The following SPHK1 variants were observed in gnomAD, a reference collection of about 807,000 sequenced individuals.
The protein encoded by SPHK1 is sphingosine kinase 1, also known as SK 1.
Under a neutral mutation model 14.6 loss-of-function variants are expected in SPHK1, and 10 were observed. That is an observed-to-expected ratio of 0.68 (90% CI 0.42 to 1.16). SPHK1 has a LOEUF of 1.16. Among genes scored for constraint, SPHK1 ranks in the 50% most tolerant of loss-of-function variants. The pLI, the probability that SPHK1 is intolerant of heterozygous loss-of-function variation, is 0.00. For missense variants in SPHK1, 553 were observed against 525.4 expected (o/e 1.05, Z -0.51); for synonymous variants, 274 against 224.0 (o/e 1.22, Z -1.99).
chr17:76,387,251 G>A lies in SPHK1; in HGVS notation c.820G>A (p.Ala274Thr). Reference protein sequence around the residue: ...LHSHLGSEMFAAPMGRCAAGV... With the variant: ...LHSHLGSEMFTAPMGRCAAGV... ...CTCGCACCTGGGCAGTGAGATGTTT[G>A]CTGCACCCATGGGCCGCTGTGCAGC... The change falls in exon 6 of 6, where the codon GCT (alanine) becomes ACT (threonine). Residue 274 changes from alanine (A) to threonine (T), a missense_variant. By Grantham distance (58) the Ala-to-Thr change is moderately conservative. Coordinates refer to ENST00000592299, the MANE Select transcript of SPHK1 (RefSeq NM_001142601.2). The surrounding 1 kb of genome is among the most constrained non-coding windows in gnomAD (Gnocchi z 4.1). 1.2e-6 allele frequency: 2 copies of A among 1,613,330 alleles called. No homozygotes were observed. Among genetic ancestry groups the A allele is most frequent in the Non-Finnish European group, 1.7e-6 (2 of 1,179,928 alleles).
Position 76,385,837 on chromosome 17 carries a change from C to G in SPHK1, c.11-148C>G. 6.8e-7 allele frequency: 1 copy of G among 1,466,560 alleles called. No homozygotes were observed. Among genetic ancestry groups the G allele is most frequent in the Non-Finnish European group, 9.2e-7 (1 of 1,090,648 alleles). The allele number at this position is 1,466,560 out of a possible 1,614,324, so 90.8% of individuals were successfully genotyped here. ...GTGGCAGGGGCGCCGCGTCCCCACCCCAGGTCTCCCAGCAAAGGCCGCTCC... is the reference window on the plus strand; with the variant it reads ...GTGGCAGGGGCGCCGCGTCCCCACCGCAGGTCTCCCAGCAAAGGCCGCTCC... On this transcript the variant is annotated intron_variant, in intron 2 of 5. Coordinates refer to ENST00000592299, the MANE Select transcript of SPHK1 (RefSeq NM_001142601.2). The surrounding 1 kb of genome is among the most constrained non-coding windows in gnomAD (Gnocchi z 5.3).
rs1295116720 is a variant in SPHK1 at position 76,386,310 on chromosome 17, C to G, written c.253C>G (p.His85Asp). Residue 85 changes from histidine (H) to aspartate (D), a missense_variant, in exon 4 of 6, where the codon CAC becomes GAC. Coordinates refer to ENST00000592299, the MANE Select transcript of SPHK1 (RefSeq NM_001142601.2). This position sits in a 1 kb window ranked among gnomAD's most constrained non-coding sequence, Gnocchi z 5.3. Reference sequence around the variant, plus strand: ...GGTCATGTCTGGAGACGGGCTGATGCACGAGGTGAGGACCGCACTGCGCGG... The same window carrying G: ...GGTCATGTCTGGAGACGGGCTGATGGACGAGGTGAGGACCGCACTGCGCGG... ...LVVMSGDGLM[H>D]EVVNGLMERP... 9.3e-6 allele frequency: 15 copies of G among 1,605,072 alleles called. No individual in the cohort carries two copies. The highest frequency in any genetic ancestry group is 1.3e-5 in the African/African-American group (1 of 74,910).
chr17:76,383,807 C>T (rs574814424), upstream of SPHK1: 158 of 1,285,700 alleles, frequency 1.2e-4, 1 homozygote, highest in African/African-American at 2.1e-3. Context: ...TCCGGCGCCC[C>T]TTCTTCACGC....
rs1233860499 is a variant in SPHK1, at chr17:76,387,439, T to C, written c.1008T>C (p.Gly336=). 5.6e-6 allele frequency: 9 copies of C among 1,613,036 alleles called. No homozygotes were observed. The South Asian group carries it at 6.6e-5, about 12-fold the overall frequency. ...AFRLEPKDGK[G]VFAVDGELMV... is the part of the protein sequence containing the mutation. ...GCTTGGAGCCCAAGGATGGGAAAGG[T>C]GTGTTTGCAGTGGATGGGGAATTGA... Residue 336 remains glycine, a synonymous_variant, in exon 6 of 6, where the codon GGT becomes GGC. Coordinates refer to ENST00000592299, the MANE Select transcript of SPHK1 (RefSeq NM_001142601.2). The surrounding 1 kb of genome is among the most constrained non-coding windows in gnomAD (Gnocchi z 4.1).
rs866618568 is a variant in SPHK1 at position 76,386,985 on chromosome 17, G to A, written c.554G>A (p.Arg185Gln). The change falls in exon 6 of 6, where the codon CGG (arginine) becomes CAG (glutamine). Residue 185 changes from arginine (R) to glutamine (Q), a missense_variant. Arg to Gln is a conservative substitution (Grantham distance 43). Coordinates refer to ENST00000592299, the MANE Select transcript of SPHK1 (RefSeq NM_001142601.2). The surrounding 1 kb of genome is among the most constrained non-coding windows in gnomAD (Gnocchi z 5.3). ...GTGGACCTAGAGAGTGAGAAGTATC[G>A]GCGTCTGGGGGAGATGCGCTTCACT... is the stretch of plus-strand genomic sequence containing the variant. ...ADVDLESEKY[R>Q]RLGEMRFTLG... 3.1e-6 allele frequency: 5 copies of A among 1,613,444 alleles called. No individual in the cohort carries two copies. Among genetic ancestry groups the A allele is most frequent in the African/African-American group, 2.7e-5 (2 of 74,904 alleles).
Position 76,385,898 on chromosome 17 carries a change from C to T in SPHK1, c.11-87C>T, listed in dbSNP as rs2071968464. The stretch of plus-strand genomic sequence containing the variant: ...GTCAATTACCGGGGTGTTTCGGGCA[C>T]CAAGTTCCCACACTAGTGCCCCATT... On this transcript the variant is annotated intron_variant, in intron 2 of 5. Transcript: ENST00000592299. This position sits in a 1 kb window ranked among gnomAD's most constrained non-coding sequence, Gnocchi z 5.3. The T allele has an allele frequency of 6.7e-7, 1 of 1,503,498 alleles. No homozygotes were observed. The highest frequency in any genetic ancestry group is 8.9e-7 in the Non-Finnish European group (1 of 1,121,844). The allele number at this position is 1,503,498 out of a possible 1,614,324, so 93.1% of individuals were successfully genotyped here. A position where few individuals can be genotyped will look rare whatever the true frequency, so the allele number is the denominator to read the frequency against.
chr17:76,386,053 A>T lies in SPHK1; in HGVS notation c.79A>T (p.Lys27Ter). 6.2e-7 allele frequency: 1 copy of T among 1,608,700 alleles called. No individual in the cohort carries two copies. The highest frequency in any genetic ancestry group is 8.5e-7 in the Non-Finnish European group (1 of 1,177,688). The change falls in exon 3 of 6, where the codon AAG (lysine) becomes TAG (stop). Residue 27 changes from lysine (K) to a stop codon, truncating the protein, a stop_gained. Transcript: ENST00000592299. LOFTEE classifies it high-confidence loss of function. This position sits in a 1 kb window ranked among gnomAD's most constrained non-coding sequence, Gnocchi z 5.3. ...VLVLLNPRGG[K>*]GKALQLFRSH... ...GGTGCTGCTGAACCCGCGCGGCGGCAAGGGCAAGGCCTTGCAGCTCTTCCG... is the reference window on the plus strand; with the variant it reads ...GGTGCTGCTGAACCCGCGCGGCGGCTAGGGCAAGGCCTTGCAGCTCTTCCG...
Position 76,385,807 on chromosome 17 carries a change from AG to A in SPHK1, c.10+158del. 7.1e-7 allele frequency: 1 copy of A among 1,402,682 alleles called. No individual in the cohort carries two copies. The highest frequency in any genetic ancestry group is 9.7e-7 in the Non-Finnish European group (1 of 1,026,974). 86.9% of individuals were successfully genotyped at this position (1,402,682 alleles called of 1,614,324 possible). On this transcript the variant is annotated intron_variant, in intron 2 of 5. Transcript: ENST00000592299. The surrounding 1 kb of genome is among the most constrained non-coding windows in gnomAD (Gnocchi z 5.3). ...AAGCCGGCCGAATCTGAGCCAAGGAAGGGGGTGGCAGGGGCGCCGCGTCCCC... is the reference window on the plus strand; with the variant it reads ...AAGCCGGCCGAATCTGAGCCAAGGAAGGGGTGGCAGGGGCGCCGCGTCCCC...
Position 76,387,533 on chromosome 17 carries a change from C to G in SPHK1, c.1102C>G (p.Pro368Ala). 2 of 1,608,688 alleles carry G rather than the reference C, an allele frequency of 1.2e-6. No homozygotes were observed. The highest frequency in any genetic ancestry group is 8.5e-7 in the Non-Finnish European group (1 of 1,178,376). The change falls in exon 6 of 6, where the codon CCC becomes GCC. Residue 368 changes from proline to alanine, a missense_variant. Transcript: ENST00000592299. The surrounding 1 kb of genome is among the most constrained non-coding windows in gnomAD (Gnocchi z 4.1). Reference protein sequence around the residue: ...YFWMVSGCVEPPPSWKPQQMP... With the variant: ...YFWMVSGCVEAPPSWKPQQMP... ...CTGGATGGTCAGCGGTTGCGTGGAG[C>G]CCCCGCCCAGCTGGAAGCCCCAGCA...
Position 76,386,055 on chromosome 17 carries a change from G to C in SPHK1, c.81G>C (p.Lys27Asn), listed in dbSNP as rs750760032. ...VLVLLNPRGG[K>N]GKALQLFRSH... is the part of the protein sequence containing the mutation. ...TGCTGCTGAACCCGCGCGGCGGCAAGGGCAAGGCCTTGCAGCTCTTCCGGA... is the reference window on the plus strand; with the variant it reads ...TGCTGCTGAACCCGCGCGGCGGCAACGGCAAGGCCTTGCAGCTCTTCCGGA... The change falls in exon 3 of 6, where the codon AAG becomes AAC. Residue 27 changes from lysine to asparagine, a missense_variant. Physicochemically the swap from Lys to Asn is moderately conservative, Grantham distance 94. Transcript: ENST00000592299. The surrounding 1 kb of genome is among the most constrained non-coding windows in gnomAD (Gnocchi z 5.3). 6.2e-6 allele frequency: 10 copies of C among 1,608,550 alleles called. No individual in the cohort carries two copies. Among genetic ancestry groups the C allele is most frequent in the Middle Eastern group, 3.4e-4 (2 of 5,906 alleles).
In SPHK1 at chr17:76,387,182, G is replaced by C. The variant is rs1222549105; in HGVS notation, c.751G>C (p.Val251Leu). The C allele has an allele frequency of 3.1e-6, 5 of 1,613,282 alleles. No individual in the cohort carries two copies. In the Admixed American group the frequency reaches 8.3e-5, roughly 27 times the overall value. The change falls in exon 6 of 6, where the codon GTG (valine) becomes CTG (leucine). Residue 251 changes from valine (V) to leucine (L), a missense_variant. Coordinates refer to ENST00000592299, the MANE Select transcript of SPHK1 (RefSeq NM_001142601.2). The surrounding 1 kb of genome is among the most constrained non-coding windows in gnomAD (Gnocchi z 4.1). Reference protein sequence around the residue: ...LEEPVPSHWTVVPDEDFVLVL... With the variant: ...LEEPVPSHWTLVPDEDFVLVL... The stretch of plus-strand genomic sequence containing the variant: ...GGAGCCAGTGCCCTCTCACTGGACA[G>C]TGGTGCCCGACGAGGACTTTGTGCT...
Position 76,385,174 on chromosome 17 carries a change from G to C in SPHK1, c.-194-277G>C. 6.3e-7 allele frequency: 1 copy of C among 1,587,126 alleles called. No individual in the cohort carries two copies. On this transcript the variant is annotated intron_variant, in intron 1 of 5. Transcript: ENST00000592299. This position sits in a 1 kb window ranked among gnomAD's most constrained non-coding sequence, Gnocchi z 5.3. ...TCCCCCTGGCAGCCCCGAGGGGTGA[G>C]GAGCTAGTCCGTCGGAGGGAGCCAC...
rs1457607391 is a variant in SPHK1, at chr17:76,385,327, C to A, written c.-194-124C>A. 2 of 1,454,804 alleles carry A rather than the reference C, an allele frequency of 1.4e-6. No individual in the cohort carries two copies. The highest frequency in any genetic ancestry group is 1.8e-6 in the Non-Finnish European group (2 of 1,104,736). 90.1% of individuals were successfully genotyped at this position (1,454,804 alleles called of 1,614,324 possible). A position where few individuals can be genotyped will look rare whatever the true frequency, so the allele number is the denominator to read the frequency against. On this transcript the variant is annotated intron_variant, in intron 1 of 5. Coordinates refer to ENST00000592299, the MANE Select transcript of SPHK1 (RefSeq NM_001142601.2). This position sits in a 1 kb window ranked among gnomAD's most constrained non-coding sequence, Gnocchi z 5.3. ...CGGGGGCGCCCTCGGAGGCACCGGA[C>A]CTCAGCTCTCTGGACTTCCCGGGAA...
rs1406074926 is a variant in SPHK1 at position 76,385,962 on chromosome 17, C to T, written c.11-23C>T. 2 of 1,583,486 alleles carry T rather than the reference C, an allele frequency of 1.3e-6. No individual in the cohort carries two copies. The highest frequency in any genetic ancestry group is 2.3e-5 in the East Asian group (1 of 43,924). On this transcript the variant is annotated intron_variant, in intron 2 of 5. Coordinates refer to ENST00000592299, the MANE Select transcript of SPHK1 (RefSeq NM_001142601.2). This position sits in a 1 kb window ranked among gnomAD's most constrained non-coding sequence, Gnocchi z 5.3. ...CCCTAGTGGTCGGTTGCGGACGTGG[C>T]CTCTTTGGTTTTGTTTTCTCAGCGG...
intron 1 of SPHK1, 70 bp downstream of exon 1, chr17:76,384,876 A>C: frequency 2.3e-6 from 1 of 436,698 alleles, no homozygotes; most frequent in Non-Finnish European, 4.0e-6. Flanking sequence ...GGGCCCCGGG[A>C]ACTGGGCCAC....
chr17:76,383,786 C>A (rs2071909218), upstream of SPHK1: 2 of 1,249,620 alleles, frequency 1.6e-6, no homozygotes, highest in South Asian at 2.5e-5. Flanking sequence ...GTGACAACTT[C>A]TGAGCGCGTT....
rs760603827 is a variant in SPHK1, at chr17:76,385,675, G to A, written c.10+21G>A. The A allele has an allele frequency of 5.7e-5, 87 of 1,532,148 alleles. No homozygotes were observed. The African/African-American group carries it at 1.0e-3, about 18-fold the overall frequency. The allele number at this position is 1,532,148 out of a possible 1,614,324, so 94.9% of individuals were successfully genotyped here. A position where few individuals can be genotyped will look rare whatever the true frequency, so the allele number is the denominator to read the frequency against. ...TCCAGGTTTGTGGGGTTCCTGCTGG[G>A]AAGGGCTGTAGGGGGATTCCTGTTC... On this transcript the variant is annotated intron_variant, in intron 2 of 5. Transcript: ENST00000592299. The surrounding 1 kb of genome is among the most constrained non-coding windows in gnomAD (Gnocchi z 5.3).
rs774430138 is a variant in SPHK1, at chr17:76,387,627, C to G, written c.*41C>G. On this transcript the variant is annotated 3_prime_UTR_variant, in exon 6 of 6. Coordinates refer to ENST00000592299, the MANE Select transcript of SPHK1 (RefSeq NM_001142601.2). This position sits in a 1 kb window ranked among gnomAD's most constrained non-coding sequence, Gnocchi z 4.1. Reference sequence around the variant, plus strand: ...GTGCCTTAGTGTCTACTTGCAGGACCCTTCCTCCTTCCCTAGGGCTGCAGG... The same window carrying G: ...GTGCCTTAGTGTCTACTTGCAGGACGCTTCCTCCTTCCCTAGGGCTGCAGG... 16 of 1,527,454 alleles carry G rather than the reference C, an allele frequency of 1.0e-5. No individual in the cohort carries two copies. Among genetic ancestry groups the G allele is most frequent in the Non-Finnish European group, 1.3e-5 (15 of 1,141,380 alleles). The allele number at this position is 1,527,454 out of a possible 1,614,324, so 94.6% of individuals were successfully genotyped here.
Position 76,385,914 on chromosome 17 carries a change from G to C in SPHK1, c.11-71G>C. On this transcript the variant is annotated intron_variant, in intron 2 of 5. Coordinates refer to ENST00000592299, the MANE Select transcript of SPHK1 (RefSeq NM_001142601.2). This position sits in a 1 kb window ranked among gnomAD's most constrained non-coding sequence, Gnocchi z 5.3. ...TTTCGGGCACCAAGTTCCCACACTAGTGCCCCATTGTTACCCGTGGCCCCC... is the reference window on the plus strand; with the variant it reads ...TTTCGGGCACCAAGTTCCCACACTACTGCCCCATTGTTACCCGTGGCCCCC... 1 of 1,526,650 alleles carries C rather than the reference G, an allele frequency of 6.6e-7. No individual in the cohort carries two copies. The highest frequency in any genetic ancestry group is 8.8e-7 in the Non-Finnish European group (1 of 1,133,340). The allele number at this position is 1,526,650 out of a possible 1,614,324, so 94.6% of individuals were successfully genotyped here. A position where few individuals can be genotyped will look rare whatever the true frequency, so the allele number is the denominator to read the frequency against.
Sources: allele counts gnomAD v4.1 joint callset, GRCh38; gene constraint gnomAD v4.1.1; non-coding constraint Gnocchi (gnomAD v3.1); transcripts MANE v1.5; gene names NCBI Gene and HGNC (gene_info 2026-07-23, HGNC 2026-07-21).